Variants in SLC24A2 observed in about 807,000 individuals in gnomAD.
SLC24A2 encodes sodium/potassium/calcium exchanger 2.
SLC24A2 carries 36 observed loss-of-function variants against 62.0 expected under a neutral mutation model. The observed-to-expected ratio is 0.58, with a 90% CI of 0.44 to 0.77. The LOEUF (loss-of-function observed/expected upper bound fraction) is 0.77, where lower values mean the gene tolerates loss of function less well. SLC24A2 is among the 30% of genes least tolerant of loss of function. The pLI, the probability that SLC24A2 is intolerant of heterozygous loss-of-function variation, is 0.00. For synonymous variants in SLC24A2, 358 were observed against 294.0 expected (o/e 1.22, Z -2.23); for missense variants, 846 against 817.9 (o/e 1.03, Z -0.42).
At chr9:19,842,638 G>T in the SLC24A2 span, among the ~76,000 whole-genome samples, 4 of 152,120 alleles carry the variant, frequency 2.6e-5, no homozygotes, top group Non-Finnish European at 1.5e-5. Context: ...TCCAAGGGGG[G>T]GATGTTCCCA....
chr9:19,792,999 TCTC>T (rs761868005), upstream of SLC24A2, among the ~76,000 whole-genome samples: 16 of 152,288 alleles, frequency 1.1e-4, no homozygotes, highest in Non-Finnish European at 1.6e-4. Context: ...TGACCCTCAC[TCTC>T]CTCCCATTAC....
the SLC24A2 span, among the ~76,000 whole-genome samples, chr9:20,214,272 A>G: frequency 3.3e-5 from 5 of 152,316 alleles, no homozygotes; most frequent in Non-Finnish European, 7.3e-5. Context: ...TAAGCTGTGA[A>G]GATCTGCTGT....
intron 2 of SLC24A2, among the ~76,000 whole-genome samples, chr9:19,750,400 A>G (rs1289791746): frequency 6.6e-6 from 1 of 152,028 alleles, no homozygotes; most frequent in African/African-American, 2.4e-5. Context: ...TCAACTACAG[A>G]TAGCATGCGA....
the SLC24A2 span, among the ~76,000 whole-genome samples, chr9:20,197,364 C>T: frequency 6.6e-6 from 1 of 151,492 alleles, no homozygotes; most frequent in South Asian, 2.1e-4. Context: ...GCCATTTTCA[C>T]CATTGTAGTT....
chr9:19,553,353 C>T (rs920975967), intron 7 of SLC24A2, among the ~76,000 whole-genome samples: 3 of 152,262 alleles, frequency 2.0e-5, no homozygotes, highest in East Asian at 1.9e-4. Context: ...TGACAACTCA[C>T]CCTTACCTCC....
intron 5 of SLC24A2, among the ~76,000 whole-genome samples, chr9:19,585,698 A>G (rs1203979018): frequency 6.6e-6 from 1 of 152,234 alleles, no homozygotes; most frequent in Non-Finnish European, 1.5e-5. Context: ...TAATTGTAAT[A>G]GAAGTAACTA....
chr9:20,281,903 C>G, the SLC24A2 span, among the ~76,000 whole-genome samples: 1 of 152,074 alleles, frequency 6.6e-6, no homozygotes, highest in Non-Finnish European at 1.5e-5. Context: ...TTTAAAATTT[C>G]TCTCAATATT....
the SLC24A2 span, among the ~76,000 whole-genome samples, chr9:20,089,110 C>CTGGGATAG: frequency 6.6e-6 from 1 of 152,178 alleles, no homozygotes; most frequent in Non-Finnish European, 1.5e-5. Context: ...ATAGAGCTCC[C>CTGGGATAG]AGTGGGAGGG....
chr9:19,665,130 A>G (rs1004204016), intron 2 of SLC24A2, among the ~76,000 whole-genome samples: 2 of 152,196 alleles, frequency 1.3e-5, no homozygotes, highest in Non-Finnish European at 2.9e-5. Flanking sequence ...CTCTTGAGGA[A>G]AGCCGGTGAG....
the SLC24A2 span, among the ~76,000 whole-genome samples, chr9:20,119,227 G>A: frequency 4.6e-5 from 7 of 152,026 alleles, no homozygotes; most frequent in Non-Finnish European, 1.0e-4. Context: ...CCAACACCTG[G>A]ACTGTAGCCT....
the SLC24A2 span, among the ~76,000 whole-genome samples, chr9:20,262,694 T>G: frequency 6.3e-3 from 964 of 152,296 alleles, 6 homozygotes; most frequent in African/African-American, 0.022. Context: ...ATGGAAACCA[T>G]CGGCTGAATT....
At chr9:19,546,859 T>TG (rs1273431380) in intron 8 of SLC24A2, among the ~76,000 whole-genome samples, 1 of 152,314 alleles carries the variant, frequency 6.6e-6, no homozygotes. Flanking sequence ...GCAAAGACTG[T>TG]GGGAAAAGCA....
At chr9:19,754,060 C>G (rs764053634) in intron 2 of SLC24A2, among the ~76,000 whole-genome samples, 8 of 152,170 alleles carry the variant, frequency 5.3e-5, no homozygotes, top group Non-Finnish European at 8.8e-5. Flanking sequence ...AACTCCTATC[C>G]TTTCCACAAC....
intron 2 of SLC24A2, among the ~76,000 whole-genome samples, chr9:19,746,103 T>C (rs1268956769): frequency 2.0e-5 from 3 of 151,770 alleles, no homozygotes; most frequent in Non-Finnish European, 4.4e-5. Context: ...TGTTTTTTTT[T>C]CTCTCTTTTT....
At chr9:19,774,544 G>A (rs999803690) in intron 2 of SLC24A2, among the ~76,000 whole-genome samples, 7 of 152,092 alleles carry the variant, frequency 4.6e-5, no homozygotes, top group African/African-American at 1.4e-4. Flanking sequence ...CAGGTGGTAC[G>A]GAAAAAGAAA....
At chr9:19,876,772 G>A in the SLC24A2 span, among the ~76,000 whole-genome samples, 1 of 152,148 alleles carries the variant, frequency 6.6e-6, no homozygotes, top group East Asian at 1.9e-4. Flanking sequence ...AACACAAAGT[G>A]AGTCATGTTT....
chr9:19,997,016 T>C, the SLC24A2 span, among the ~76,000 whole-genome samples: 171 of 152,108 alleles, frequency 1.1e-3, 5 homozygotes, highest in East Asian at 0.031. Context: ...GACTGTCCAT[T>C]ATTGCAGGCA....
chr9:19,781,066 AGT>A (rs562527878), intron 2 of SLC24A2, among the ~76,000 whole-genome samples: 1 of 152,206 alleles, frequency 6.6e-6, no homozygotes, highest in Non-Finnish European at 1.5e-5. Context: ...ATATAAACAA[AGT>A]AAACTTTCCG....
intron 5 of SLC24A2, among the ~76,000 whole-genome samples, chr9:19,592,495 C>CCCACCTACCT (rs1836585332): frequency 1.4e-5 from 1 of 70,512 alleles, no homozygotes; most frequent in Admixed American, 1.2e-4. Flanking sequence ...CCTACCTACC[C>CCCACCTACCT]ACCTACCTAC....
Sources: allele counts gnomAD v4.1 joint callset (sites outside exome capture counted in the v4.1 genomes callset), GRCh38; gene constraint gnomAD v4.1.1; transcripts MANE v1.5; gene names NCBI Gene and HGNC (gene_info 2026-07-23, HGNC 2026-07-21).